CRLS1: variants seen among roughly 807,000 people sequenced by gnomAD.
CRLS1 encodes the protein cardiolipin synthase (CMP-forming).
In CRLS1, 24 loss-of-function variants were observed where a neutral mutation model predicts 37.0. The observed-to-expected ratio is 0.65, with a 90% CI of 0.47 to 0.91. The LOEUF (loss-of-function observed/expected upper bound fraction) is 0.91. Among genes scored for constraint, CRLS1 ranks in the 40% least tolerant of loss-of-function variants. The pLI, the probability that CRLS1 is intolerant of heterozygous loss-of-function variation, is 0.00. For missense variants in CRLS1, 373 were observed against 395.8 expected (o/e 0.94, Z 0.49); for synonymous variants, 135 against 159.7 (o/e 0.85, Z 1.17).
In CRLS1 at chr20:6,006,498, C is replaced by A; in HGVS notation, c.252C>A (p.Gly84=). The change falls in exon 1 of 7, where the codon GGC becomes GGA. Residue 84 remains glycine (G), a synonymous_variant. Coordinates refer to ENST00000378863, the MANE Select transcript of CRLS1 (RefSeq NM_019095.6). ...KAAPRPAAGA[G]AAAEAPGGQW... is the part of the protein sequence containing the mutation. ...CTCCCAGGCCAGCGGCCGGAGCGGG[C>A]GCCGCTGCCGAAGCCCCGGGCGGCC... 7.4e-7 allele frequency: 1 copy of A among 1,356,630 alleles called. No homozygotes were observed. Among genetic ancestry groups the A allele is most frequent in the Non-Finnish European group, 9.4e-7 (1 of 1,061,130 alleles). 84.0% of individuals were successfully genotyped at this position (1,356,630 alleles called of 1,614,324 possible). A position where few individuals can be genotyped will look rare whatever the true frequency, so the allele number is the denominator to read the frequency against.
intron 1 of CRLS1, chr20:6,007,234 C>T (rs2090069993): frequency 4.0e-6 from 6 of 1,494,858 alleles, no homozygotes; most frequent in Admixed American, 2.4e-5. Context: ...CTTCAGTGGC[C>T]CCTGTACTGC....
In CRLS1 at chr20:6,039,967, T is replaced by A. The variant is rs1980868118; in HGVS notation, c.*2809T>A. On this transcript the variant is annotated 3_prime_UTR_variant, in exon 7 of 7. Transcript: ENST00000378863. ...CCTGAACTGTAGGAAAATAAATTTC[T>A]GTTCTTTTAAGCCATTTTTACCAGT... is the stretch of plus-strand genomic sequence containing the variant. The A allele has an allele frequency of 6.6e-6, 1 of 152,240 alleles. No individual in the cohort carries two copies. The highest frequency in any genetic ancestry group is 1.5e-5 in the Non-Finnish European group (1 of 68,048). 9.4% of individuals were successfully genotyped at this position (152,240 alleles called of 1,614,324 possible).
intron 3 of CRLS1, among the ~76,000 whole-genome samples, chr20:6,019,685 G>T (rs6053830): frequency 0.76 from 108,679 of 143,632 alleles, 42,162 homozygotes; most frequent in African/African-American, 0.94. Context: ...GTTCTTTTTC[G>T]AAATTCTTTT....
intron 3 of CRLS1, among the ~76,000 whole-genome samples, chr20:6,016,436 A>G (rs1217354754): frequency 1.4e-5 from 2 of 144,780 alleles, no homozygotes; most frequent in South Asian, 2.3e-4. Context: ...TGAGGTGTGT[A>G]TGTGATTGGG....
intron 1 of CRLS1, among the ~76,000 whole-genome samples, chr20:6,008,783 A>G (rs565761262): frequency 4.6e-5 from 7 of 152,332 alleles, no homozygotes; most frequent in Admixed American, 4.6e-4. Flanking sequence ...TTCTTTAGAT[A>G]TGTGTAAGGG....
intron 5 of CRLS1, among the ~76,000 whole-genome samples, chr20:6,033,828 C>T (rs1980362864): frequency 6.6e-6 from 1 of 151,992 alleles, no homozygotes; most frequent in Non-Finnish European, 1.5e-5. Context: ...TACAGGTGCA[C>T]ACCACCATGC....
chr20:6,028,359 A>C (rs1979889897), intron 3 of CRLS1: 1 of 152,148 alleles, frequency 6.6e-6, no homozygotes, highest in Non-Finnish European at 1.5e-5. Flanking sequence ...ATTTATGTCC[A>C]CTGAACTTAG....
chr20:6,006,665 A>G, intron 1 of CRLS1, 113 bp downstream of exon 1: 1 of 1,210,638 alleles, frequency 8.3e-7, no homozygotes. Flanking sequence ...CCTAACTTTT[A>G]GACTCTTCCC....
intron 5 of CRLS1, among the ~76,000 whole-genome samples, 163 bp from the exon 6 acceptor site, chr20:6,034,301 C>A (rs1350498758): frequency 6.6e-6 from 1 of 152,134 alleles, no homozygotes; most frequent in African/African-American, 2.4e-5. Flanking sequence ...TGTGTGTGCT[C>A]ACCTGTGAAT....
chr20:6,011,184 C>T (rs1414586235), intron 2 of CRLS1, among the ~76,000 whole-genome samples: 3 of 152,208 alleles, frequency 2.0e-5, no homozygotes, highest in East Asian at 1.9e-4. Flanking sequence ...TCCAGACAGG[C>T]GGTGCTTTGG....
At chr20:6,032,941 T>G (rs1980284258) in intron 5 of CRLS1, among the ~76,000 whole-genome samples, 1 of 152,080 alleles carries the variant, frequency 6.6e-6, no homozygotes, top group Non-Finnish European at 1.5e-5. Flanking sequence ...TTTGTTTGTT[T>G]GTTTGGCTTC....
At chr20:6,016,359 C>T (rs946017686) in intron 3 of CRLS1, among the ~76,000 whole-genome samples, 4 of 152,088 alleles carry the variant, frequency 2.6e-5, no homozygotes, top group African/African-American at 9.7e-5. Flanking sequence ...CTTTTAAGTT[C>T]TCGTACCAAA....
rs941854595 is a variant in CRLS1 at position 6,006,193 on chromosome 20, T to C, written c.-54T>C. The stretch of plus-strand genomic sequence containing the variant: ...TCCATGGAGAAGCGGCTCGCCAGTG[T>C]CCCAGGCTGCTGAGCTCTCGCCGCC... On this transcript the variant is annotated 5_prime_UTR_variant, in exon 1 of 7. Coordinates refer to ENST00000378863, the MANE Select transcript of CRLS1 (RefSeq NM_019095.6). The C allele has an allele frequency of 5.6e-6, 6 of 1,076,676 alleles. No individual in the cohort carries two copies. The highest frequency in any genetic ancestry group is 8.8e-5 in the Admixed American group (2 of 22,828). 66.7% of individuals were successfully genotyped at this position (1,076,676 alleles called of 1,614,324 possible). A position where few individuals can be genotyped will look rare whatever the true frequency, so the allele number is the denominator to read the frequency against.
At chr20:6,032,460 A>G (rs143006152) in intron 5 of CRLS1, among the ~76,000 whole-genome samples, 24 of 151,612 alleles carry the variant, frequency 1.6e-4, no homozygotes, top group Non-Finnish European at 1.2e-4. Context: ...TGGGTTCCCA[A>G]ATTATTGGGA....
In CRLS1 at chr20:6,006,358, G is replaced by C; in HGVS notation, c.112G>C (p.Val38Leu). ...CGCCTGCTGGGCCCTGCTGCCGCCCGTGCCCTGCTGCTTGGGCTGCCTGGC... is the reference window on the plus strand; with the variant it reads ...CGCCTGCTGGGCCCTGCTGCCGCCCCTGCCCTGCTGCTTGGGCTGCCTGGC... ...RRACWALLPP[V>L]PCCLGCLAER... Residue 38 changes from valine to leucine, a missense_variant, in exon 1 of 7, where the codon GTG becomes CTG. Coordinates refer to ENST00000378863, the MANE Select transcript of CRLS1 (RefSeq NM_019095.6). 1 of 1,397,198 alleles carries C rather than the reference G, an allele frequency of 7.2e-7. No homozygotes were observed. The highest frequency in any genetic ancestry group is 9.3e-7 in the Non-Finnish European group (1 of 1,073,040). The allele number at this position is 1,397,198 out of a possible 1,614,324, so 86.6% of individuals were successfully genotyped here.
Position 6,039,733 on chromosome 20 carries a change from GTT to G in CRLS1, c.*2581_*2582del, listed in dbSNP as rs1568637450. ...GATTACAGTGGGCCCCAATAACTAGGTTTTTTTGTTAAAAAAAAAAAAAAAGG... is the reference window on the plus strand; with the variant it reads ...GATTACAGTGGGCCCCAATAACTAGGTTTTTGTTAAAAAAAAAAAAAAAGG... On this transcript the variant is annotated 3_prime_UTR_variant, in exon 7 of 7. Coordinates refer to ENST00000378863, the MANE Select transcript of CRLS1 (RefSeq NM_019095.6). 1.9e-5 allele frequency: 2 copies of G among 104,846 alleles called. No individual in the cohort carries two copies. The highest frequency in any genetic ancestry group is 9.3e-5 in the African/African-American group (2 of 21,606). The allele number at this position is 104,846 out of a possible 1,614,324, so 6.5% of individuals were successfully genotyped here.
At chr20:6,016,499 C>T (rs965263135) in intron 3 of CRLS1, among the ~76,000 whole-genome samples, 7 of 151,504 alleles carry the variant, frequency 4.6e-5, no homozygotes, top group African/African-American at 1.5e-4. Flanking sequence ...AGGCTGGTCT[C>T]GAACTTCTGG....
chr20:6,011,241 A>T (rs1007193378), intron 2 of CRLS1, among the ~76,000 whole-genome samples: 6 of 152,142 alleles, frequency 3.9e-5, no homozygotes, highest in African/African-American at 1.4e-4. Context: ...CTCAATATTT[A>T]TTGAGTGAGA....
At chr20:6,018,746 C>T (rs1978970779) in intron 3 of CRLS1, among the ~76,000 whole-genome samples, 1 of 152,180 alleles carries the variant, frequency 6.6e-6, no homozygotes, top group South Asian at 2.1e-4. Flanking sequence ...GCCACCACCC[C>T]TGGCCTGGAT....
Sources: allele counts gnomAD v4.1 joint callset (sites outside exome capture counted in the v4.1 genomes callset), GRCh38; gene constraint gnomAD v4.1.1; transcripts MANE v1.5; gene names NCBI Gene and HGNC (gene_info 2026-07-23, HGNC 2026-07-21).